Variants in SULT1E1 observed in about 807,000 individuals in gnomAD.
The protein encoded by SULT1E1 is sulfotransferase family 1E member 1, also known as sulfotransferase 1E1.
A neutral mutation model predicts 33.6 loss-of-function variants in SULT1E1; 36 were observed. That is an observed-to-expected ratio of 1.07 (90% CI 0.82 to 1.41). The LOEUF (loss-of-function observed/expected upper bound fraction) is 1.41, where lower values mean the gene tolerates loss of function less well. SULT1E1 is among the 40% of genes most tolerant of loss of function. The pLI is 0.00. For missense variants in SULT1E1, 371 were observed against 345.7 expected (o/e 1.07, Z -0.58); for synonymous variants, 121 against 111.7 (o/e 1.08, Z -0.53).
At chr4:69,822,181 G>C in the SULT1E1 span, among the ~76,000 whole-genome samples, 33 of 152,110 alleles carry the variant, frequency 2.2e-4, no homozygotes, top group Non-Finnish European at 5.9e-5. Flanking sequence ...TCTGTTGTTG[G>C]TAGACAATGA....
chr4:69,840,905 G>A (rs1489607420), downstream of SULT1E1, among the ~76,000 whole-genome samples: 3 of 152,122 alleles, frequency 2.0e-5, no homozygotes, highest in African/African-American at 7.2e-5. Context: ...AATTAGCCGG[G>A]CGTGGTGGCG....
At chr4:69,859,937 G>T (rs1303197473) in intron 1 of SULT1E1, 112 bp downstream of exon 1, 1 of 151,902 alleles carries the variant, frequency 6.6e-6, no homozygotes. Flanking sequence ...TATCAATCAA[G>T]ACTTTGGTCT....
At chr4:69,845,833 G>T (rs1290279975) in intron 6 of SULT1E1, among the ~76,000 whole-genome samples, 1 of 150,980 alleles carries the variant, frequency 6.6e-6, no homozygotes, top group African/African-American at 2.4e-5. Context: ...TCTAATTACA[G>T]AACACAGTAT....
chr4:69,826,771 T>C, the SULT1E1 span, among the ~76,000 whole-genome samples: 4 of 152,282 alleles, frequency 2.6e-5, no homozygotes, highest in East Asian at 7.7e-4. Context: ...ACCTTTTCTG[T>C]AAGAGGGAAG....
chr4:69,852,683 T>A (rs1336608829), intron 4 of SULT1E1, among the ~76,000 whole-genome samples: 1 of 152,214 alleles, frequency 6.6e-6, no homozygotes, highest in Non-Finnish European at 1.5e-5. Flanking sequence ...ATATCCTGTA[T>A]CTATTTGTTT....
the SULT1E1 span, among the ~76,000 whole-genome samples, chr4:69,822,715 T>C: frequency 6.6e-6 from 1 of 152,184 alleles, no homozygotes; most frequent in East Asian, 1.9e-4. Flanking sequence ...TGTTTTATGG[T>C]CACTTAATTA....
chr4:69,839,577 G>A (rs987016932), downstream of SULT1E1, among the ~76,000 whole-genome samples: 1 of 152,134 alleles, frequency 6.6e-6, no homozygotes, highest in African/African-American at 2.4e-5. Context: ...ATTTATCTGG[G>A]CCTGAAGGCA....
the SULT1E1 span, among the ~76,000 whole-genome samples, chr4:69,829,001 G>A: frequency 6.6e-6 from 1 of 152,112 alleles, no homozygotes; most frequent in Admixed American, 6.6e-5. Flanking sequence ...AATCCCTGTG[G>A]GAGTCTTGTC....
At position 69,841,851 on chromosome 4, in the gene SULT1E1, A is replaced by AT; in HGVS notation, c.*142_*143insA. The AT allele has an allele frequency of 5.6e-6, 3 of 538,036 alleles. No individual in the cohort carries two copies. 33.3% of individuals were successfully genotyped at this position (538,036 alleles called of 1,614,324 possible). ...GTGAGACTCTGTCTCAAAAAAAAAA[A>AT]AAAAAAGTTAAACAAAAATTTAAAA... On this transcript the variant is annotated 3_prime_UTR_variant, in exon 8 of 8. Transcript: ENST00000226444.
chr4:69,848,908 T>C (rs1721040006), intron 5 of SULT1E1, among the ~76,000 whole-genome samples: 2 of 151,944 alleles, frequency 1.3e-5, no homozygotes, highest in East Asian at 1.9e-4. Context: ...AAGTAACTCT[T>C]AACAAATTTG....
At chr4:69,856,663 G>A (rs920167769) in intron 2 of SULT1E1, among the ~76,000 whole-genome samples, 2 of 151,990 alleles carry the variant, frequency 1.3e-5, no homozygotes, top group Non-Finnish European at 2.9e-5. Context: ...GGCCGGGCGC[G>A]GTGGCTCACG....
At chr4:69,851,451 G>A (rs1373870614) in intron 4 of SULT1E1, among the ~76,000 whole-genome samples, 6 of 152,048 alleles carry the variant, frequency 3.9e-5, no homozygotes, top group Non-Finnish European at 7.4e-5. Flanking sequence ...TTAGAATGGT[G>A]ATCATTAAAA....
At chr4:69,834,544 C>T in the SULT1E1 span, among the ~76,000 whole-genome samples, 1 of 152,262 alleles carries the variant, frequency 6.6e-6, no homozygotes, top group South Asian at 2.1e-4. Context: ...ACAACAGCTT[C>T]TTAACTGCTT....
At chr4:69,845,743 A>T (rs988161821) in intron 6 of SULT1E1, among the ~76,000 whole-genome samples, 1 of 151,538 alleles carries the variant, frequency 6.6e-6, no homozygotes, top group Admixed American at 6.6e-5. Flanking sequence ...GTAGACATGG[A>T]CAATTTGAAA....
At chr4:69,829,801 G>T in the SULT1E1 span, among the ~76,000 whole-genome samples, 1 of 152,084 alleles carries the variant, frequency 6.6e-6, no homozygotes, top group East Asian at 1.9e-4. Context: ...TTGGATAGTG[G>T]CCCTATAAGT....
In SULT1E1 at chr4:69,844,228, T is replaced by C. The variant is rs1389535972; in HGVS notation, c.705A>G (p.Pro235=). 3.7e-6 allele frequency: 6 copies of C among 1,614,022 alleles called. No individual in the cohort carries two copies. The highest frequency in any genetic ancestry group is 1.3e-5 in the African/African-American group (1 of 75,058). ...HTSFQEMKNN[P]STNYTTLPDE... ...CTGGCAGTGTTGTGTAATTTGTGGA[T>C]GGATTGTTCTTCATCTCTTGGAACG... Residue 235 remains proline (P), a synonymous_variant, in exon 7 of 8, where the codon CCA becomes CCG. Coordinates refer to ENST00000226444, the MANE Select transcript of SULT1E1 (RefSeq NM_005420.3).
chr4:69,856,606 A>C (rs1721241044), intron 2 of SULT1E1, among the ~76,000 whole-genome samples: 1 of 152,176 alleles, frequency 6.6e-6, no homozygotes, highest in African/African-American at 2.4e-5. Flanking sequence ...TTATTCCAAT[A>C]GGGAAGAAAA....
chr4:69,855,900 A>G (rs1303177799), intron 2 of SULT1E1, among the ~76,000 whole-genome samples: 1 of 152,206 alleles, frequency 6.6e-6, no homozygotes, highest in Non-Finnish European at 1.5e-5. Context: ...AATAGCTACA[A>G]TAAATTTTGT....
chr4:69,831,037 T>C, the SULT1E1 span, among the ~76,000 whole-genome samples: 1 of 152,218 alleles, frequency 6.6e-6, no homozygotes, highest in Non-Finnish European at 1.5e-5. Flanking sequence ...CTTTCCGCCC[T>C]AACTTTCTGT....
Sources: allele counts gnomAD v4.1 joint callset (sites outside exome capture counted in the v4.1 genomes callset), GRCh38; gene constraint gnomAD v4.1.1; transcripts MANE v1.5; gene names NCBI Gene and HGNC (gene_info 2026-07-23, HGNC 2026-07-21).